KIRREL3: variants seen among roughly 807,000 people sequenced by gnomAD.
KIRREL3 encodes kin of IRRE-like protein 3.
Under a neutral mutation model 89.7 loss-of-function variants are expected in KIRREL3, and 36 were observed. The ratio of observed to expected loss-of-function variants is 0.40; its 90% CI spans 0.31 to 0.53. KIRREL3 has a LOEUF of 0.53. Ranked by LOEUF, KIRREL3 falls within the 20% of genes least tolerant of loss-of-function variation. The probability of loss-of-function intolerance (pLI) is 0.49; values close to 1 mark genes in which losing one functional copy is unlikely to be tolerated. For missense variants in KIRREL3, 864 were observed against 1,056.6 expected (o/e 0.82, Z 2.53); for synonymous variants, 445 against 441.4 (o/e 1.01, Z -0.10).
Position 126,729,572 on chromosome 11 carries a change from G to A in KIRREL3, c.56-166660C>T, listed in dbSNP as rs986767221. Reference sequence around the variant, plus strand: ...AGGGTACTGTCCCTGTAAACAATGAGGCTGGAAGGCAAGAAAGGAGCAGCT... The same window carrying A: ...AGGGTACTGTCCCTGTAAACAATGAAGCTGGAAGGCAAGAAAGGAGCAGCT... On this transcript the variant is annotated intron_variant, in intron 1 of 16. Coordinates refer to ENST00000525144, the MANE Select transcript of KIRREL3 (RefSeq NM_032531.4). The surrounding 1 kb of genome is among the most constrained non-coding windows in gnomAD (Gnocchi z 4.5). Among the ~76,000 whole-genome samples the A allele has an allele frequency of 6.6e-6, 1 of 152,176 alleles. No homozygotes were observed. The highest frequency in any genetic ancestry group is 2.4e-5 in the African/African-American group (1 of 41,434).
At chr11:126,938,233 A>G (rs1482085168) in intron 1 of KIRREL3, among the ~76,000 whole-genome samples, 2 of 152,208 alleles carry the variant, frequency 1.3e-5, no homozygotes, top group South Asian at 2.1e-4. Context: ...CAACATCAAA[A>G]TGCCAGCAAC....
chr11:126,796,323 C>T lies in KIRREL3; in HGVS notation c.55+204132G>A, dbSNP rs1441309557. ...ATGTGAGTTCCCTGGCTTGCTGATC[C>T]CAGACTGGGCTGACCCAGGGCATCA... On this transcript the variant is annotated intron_variant, in intron 1 of 16. Transcript: ENST00000525144. This position sits in a 1 kb window ranked among gnomAD's most constrained non-coding sequence, Gnocchi z 5.1. Among the ~76,000 whole-genome samples, 2 of 152,138 alleles carry T rather than the reference C, an allele frequency of 1.3e-5. No homozygotes were observed. Among genetic ancestry groups the T allele is most frequent in the African/African-American group, 4.8e-5 (2 of 41,424 alleles).
In KIRREL3 at chr11:126,977,982, C is replaced by T. The variant is rs1458212478; in HGVS notation, c.55+22473G>A. Among the ~76,000 whole-genome samples the T allele has an allele frequency of 6.6e-6, 1 of 152,174 alleles. No homozygotes were observed. The highest frequency in any genetic ancestry group is 1.5e-5 in the Non-Finnish European group (1 of 68,032). On this transcript the variant is annotated intron_variant, in intron 1 of 16. Coordinates refer to ENST00000525144, the MANE Select transcript of KIRREL3 (RefSeq NM_032531.4). This position sits in a 1 kb window ranked among gnomAD's most constrained non-coding sequence, Gnocchi z 4.7. ...CACTCAGTTTCTGGGCACGACATGT[C>T]CCACTCTCCATTGAGTGGATTTCTG...
Position 126,775,384 on chromosome 11 carries a change from AT to A in KIRREL3, c.56-212473del, listed in dbSNP as rs1456610000. On this transcript the variant is annotated intron_variant, in intron 1 of 16. Transcript: ENST00000525144. ...AGGATGGACACTTCCAATAAAGCAAATTTTGCGGAGGAGATGCAGGCTGGTA... is the reference window on the plus strand; with the variant it reads ...AGGATGGACACTTCCAATAAAGCAAATTTGCGGAGGAGATGCAGGCTGGTA... 2.6e-5 allele frequency among the ~76,000 whole-genome samples: 4 copies of A among 152,276 alleles called. No homozygotes were observed. In the East Asian group the frequency reaches 7.7e-4, roughly 29 times the overall value.
chr11:126,757,374 C>A (rs977644991), intron 1 of KIRREL3, among the ~76,000 whole-genome samples: 1 of 151,976 alleles, frequency 6.6e-6, no homozygotes, highest in East Asian at 1.9e-4. Context: ...TTTCATAATA[C>A]AAATTTGCTA....
chr11:126,602,308 G>A (rs970591221), intron 1 of KIRREL3, among the ~76,000 whole-genome samples: 1 of 152,150 alleles, frequency 6.6e-6, no homozygotes, highest in Non-Finnish European at 1.5e-5. Context: ...GGTGTGTGGG[G>A]TTATCTACAG....
chr11:126,765,348 A>G (rs1173121317), intron 1 of KIRREL3, among the ~76,000 whole-genome samples: 1 of 152,152 alleles, frequency 6.6e-6, no homozygotes, highest in African/African-American at 2.4e-5. Flanking sequence ...CCTCACCCCA[A>G]CACCACAAAG....
chr11:126,740,131 CCTT>C lies in KIRREL3; in HGVS notation c.56-177222_56-177220del, dbSNP rs1047848455. 1.3e-5 allele frequency among the ~76,000 whole-genome samples: 2 copies of C among 152,040 alleles called. No individual in the cohort carries two copies. The highest frequency in any genetic ancestry group is 4.8e-5 in the African/African-American group (2 of 41,392). ...TTCAAATTGTGTTTTTTTCTTCCCT[CCTT>C]CTTTTATTTAAGTCATTGCTCTATT... On this transcript the variant is annotated intron_variant, in intron 1 of 16. Coordinates refer to ENST00000525144, the MANE Select transcript of KIRREL3 (RefSeq NM_032531.4). This position sits in a 1 kb window ranked among gnomAD's most constrained non-coding sequence, Gnocchi z 6.0.
chr11:126,436,689 A>T, intron 12 of KIRREL3, 122 bp downstream of exon 12: 1 of 1,025,430 alleles, frequency 9.8e-7, no homozygotes, highest in Non-Finnish European at 1.5e-6. Context: ...AGCCAGGAAG[A>T]GCACTGTGGC....
upstream of KIRREL3, among the ~76,000 whole-genome samples, chr11:127,002,620 G>C (rs562507416): frequency 6.6e-6 from 1 of 152,326 alleles, no homozygotes; most frequent in African/African-American, 2.4e-5. Flanking sequence ...TAAGCCTATG[G>C]GGTTGTTGGG....
rs190909312 is a variant in KIRREL3 at position 126,814,275 on chromosome 11, G to A, written c.55+186180C>T. 2.4e-4 allele frequency among the ~76,000 whole-genome samples: 37 copies of A among 152,160 alleles called. No homozygotes were observed. Among genetic ancestry groups the A allele is most frequent in the South Asian group, 4.2e-4 (2 of 4,812 alleles). Reference sequence around the variant, plus strand: ...AAGTCAAAAAGCAACAGATGCTGGCGAGGTTATGGAGAAAAAGGAATGCTT... The same window carrying A: ...AAGTCAAAAAGCAACAGATGCTGGCAAGGTTATGGAGAAAAAGGAATGCTT... On this transcript the variant is annotated intron_variant, in intron 1 of 16. Transcript: ENST00000525144. The surrounding 1 kb of genome is among the most constrained non-coding windows in gnomAD (Gnocchi z 4.4).
chr11:126,874,599 T>C (rs1945209852), intron 1 of KIRREL3, among the ~76,000 whole-genome samples: 1 of 152,214 alleles, frequency 6.6e-6, no homozygotes, highest in Non-Finnish European at 1.5e-5. Flanking sequence ...TAGGTCTGCA[T>C]GATGGCAAAC....
Position 126,689,299 on chromosome 11 carries a change from C to T in KIRREL3, c.56-126387G>A, listed in dbSNP as rs1017239941. Among the ~76,000 whole-genome samples, 22 of 152,206 alleles carry T rather than the reference C, an allele frequency of 1.4e-4. 1 individual carries two copies. The highest frequency in any genetic ancestry group is 6.2e-4 in the South Asian group (3 of 4,832). On this transcript the variant is annotated intron_variant, in intron 1 of 16. Coordinates refer to ENST00000525144, the MANE Select transcript of KIRREL3 (RefSeq NM_032531.4). This position sits in a 1 kb window ranked among gnomAD's most constrained non-coding sequence, Gnocchi z 5.2. ...TTTGGTATTGGAATTTGTCCCATCT[C>T]GACTTGGAAGAATGAGACACCTTGG...
At chr11:126,957,511 T>C (rs904478728) in intron 1 of KIRREL3, among the ~76,000 whole-genome samples, 2 of 152,230 alleles carry the variant, frequency 1.3e-5, no homozygotes, top group Admixed American at 1.3e-4. Flanking sequence ...AGATCCATCC[T>C]ACCTGATATT....
rs1483272171 is a variant in KIRREL3 at position 126,553,143 on chromosome 11, A to G, written c.133+9692T>C. Among the ~76,000 whole-genome samples the G allele has an allele frequency of 1.3e-5, 2 of 152,194 alleles. No individual in the cohort carries two copies. The highest frequency in any genetic ancestry group is 3.9e-4 in the East Asian group (2 of 5,178). On this transcript the variant is annotated intron_variant, in intron 2 of 16. Coordinates refer to ENST00000525144, the MANE Select transcript of KIRREL3 (RefSeq NM_032531.4). This position sits in a 1 kb window ranked among gnomAD's most constrained non-coding sequence, Gnocchi z 4.7. ...TTTCAATAGCCTGTTGTATTTCTCT[A>G]TCAAATTCTTACTCTAAGGAGATCT...
intron 1 of KIRREL3, among the ~76,000 whole-genome samples, chr11:126,869,286 G>A (rs1945026899): frequency 6.6e-6 from 1 of 151,918 alleles, no homozygotes; most frequent in Admixed American, 6.6e-5. Flanking sequence ...CCCCTTGGTG[G>A]GGATGATGCT....
rs915882382 is a variant in KIRREL3, at chr11:126,924,841, A to T, written c.55+75614T>A. On this transcript the variant is annotated intron_variant, in intron 1 of 16. Transcript: ENST00000525144. This position sits in a 1 kb window ranked among gnomAD's most constrained non-coding sequence, Gnocchi z 4.7. ...GTTAGCCTCTCTGATGTTGAGAATG[A>T]AAGTTGTTATTAGCATGATTCACTC... Among the ~76,000 whole-genome samples the T allele has an allele frequency of 5.3e-5, 8 of 152,040 alleles. No homozygotes were observed. The highest frequency in any genetic ancestry group is 1.3e-4 in the Admixed American group (2 of 15,252).
chr11:126,789,947 A>G (rs1045866217), intron 1 of KIRREL3, among the ~76,000 whole-genome samples: 10 of 152,158 alleles, frequency 6.6e-5, no homozygotes, highest in Admixed American at 5.9e-4. Context: ...CCTTTACACT[A>G]TATCCGACTG....
At chr11:126,819,189 G>A (rs1251661322) in intron 1 of KIRREL3, among the ~76,000 whole-genome samples, 1 of 152,142 alleles carries the variant, frequency 6.6e-6, no homozygotes, top group African/African-American at 2.4e-5. Flanking sequence ...CTAGCATGCT[G>A]GGCAGCCTGA....
Sources: allele counts gnomAD v4.1 joint callset (sites outside exome capture counted in the v4.1 genomes callset), GRCh38; gene constraint gnomAD v4.1.1; non-coding constraint Gnocchi (gnomAD v3.1); transcripts MANE v1.5; gene names NCBI Gene and HGNC (gene_info 2026-07-23, HGNC 2026-07-21).